Variants in POLA2 observed in about 807,000 individuals in gnomAD.
POLA2 encodes DNA polymerase alpha 2, accessory subunit.
In POLA2, 47 loss-of-function variants were observed where a neutral mutation model predicts 82.8. That is an observed-to-expected ratio of 0.57 (90% CI 0.45 to 0.72). POLA2 has a LOEUF of 0.72. Ranked by LOEUF, POLA2 falls within the 30% of genes least tolerant of loss-of-function variation. The pLI, the probability that POLA2 is intolerant of heterozygous loss-of-function variation, is 0.00. For synonymous variants in POLA2, 287 were observed against 286.8 expected (o/e 1.00, Z -0.01); for missense variants, 634 against 728.1 (o/e 0.87, Z 1.49).
intron 17 of POLA2, 156 bp downstream of exon 17, chr11:65,296,146 G>C: frequency 9.4e-6 from 7 of 746,894 alleles, no homozygotes; most frequent in Non-Finnish European, 9.0e-6. Context: ...GAGGTGGTGG[G>C]ACCAGAAAAC....
downstream of POLA2, among the ~76,000 whole-genome samples, chr11:65,303,040 A>G (rs978500898): frequency 1.3e-5 from 2 of 152,112 alleles, no homozygotes; most frequent in Admixed American, 1.3e-4. Flanking sequence ...ATGTGTCTGG[A>G]TTACTTTAAA....
chr11:65,294,047 G>A, intron 13 of POLA2, 106 bp from the exon 14 acceptor site: 2 of 888,090 alleles, frequency 2.3e-6, no homozygotes, highest in Non-Finnish European at 3.8e-6. Flanking sequence ...GCCTCCCTCG[G>A]GGTGGGCTCT....
intron 4 of POLA2, among the ~76,000 whole-genome samples, chr11:65,269,486 CA>C (rs1294987727): frequency 0.013 from 1,268 of 99,996 alleles, 14 homozygotes; most frequent in African/African-American, 0.053. Context: ...GACTCCGTCT[CA>C]AAAAAAAAAA....
chr11:65,283,991 C>T (rs1047276433), intron 10 of POLA2, among the ~76,000 whole-genome samples: 23 of 150,944 alleles, frequency 1.5e-4, no homozygotes, highest in African/African-American at 4.1e-4. Context: ...AAAATTAGCT[C>T]GGCATGGTGG....
intron 11 of POLA2, among the ~76,000 whole-genome samples, chr11:65,288,216 G>A (rs1949717854): frequency 6.6e-6 from 1 of 152,126 alleles, no homozygotes; most frequent in Non-Finnish European, 1.5e-5. Context: ...GCTAAGGCAG[G>A]AGAATTGCTT....
intron 13 of POLA2, among the ~76,000 whole-genome samples, chr11:65,293,021 C>T (rs1020738508): frequency 9.9e-5 from 15 of 152,226 alleles, no homozygotes; most frequent in Non-Finnish European, 1.5e-4. Flanking sequence ...TTACAACTTT[C>T]TTCTTCACTT....
At chr11:65,296,110 C>T (rs1949808644) in intron 17 of POLA2, 120 bp downstream of exon 17, 2 of 1,084,164 alleles carry the variant, frequency 1.8e-6, no homozygotes, top group African/African-American at 1.6e-5. Flanking sequence ...CTCTAGCACC[C>T]TGCCCTGTGG....
intron 13 of POLA2, among the ~76,000 whole-genome samples, chr11:65,293,595 T>G (rs1949778350): frequency 1.5e-5 from 2 of 132,722 alleles, no homozygotes; most frequent in African/African-American, 3.0e-5. Flanking sequence ...GGCGACAGAG[T>G]GAGGCTCTGT....
chr11:65,262,428 C>G lies in POLA2; in HGVS notation c.79+57C>G, dbSNP rs1590887249. 6 of 1,458,680 alleles carry G rather than the reference C, an allele frequency of 4.1e-6. No individual in the cohort carries two copies. In the East Asian group the frequency reaches 1.5e-4, roughly 36 times the overall value. 90.4% of individuals were successfully genotyped at this position (1,458,680 alleles called of 1,614,324 possible). A position where few individuals can be genotyped will look rare whatever the true frequency, so the allele number is the denominator to read the frequency against. On this transcript the variant is annotated intron_variant, in intron 1 of 17. Transcript: ENST00000265465. ...GTGCTCCACGCTCTCGCCCGAGTTC[C>G]TCGGCGCCTAGAACCGAAAGTGGAG...
intron 10 of POLA2, 74 bp from the exon 11 acceptor site, chr11:65,287,642 C>T (rs1447150081): frequency 7.5e-7 from 1 of 1,341,950 alleles, no homozygotes; most frequent in South Asian, 1.3e-5. Flanking sequence ...TGGCATTTCC[C>T]ATCATTGTCC....
At position 65,282,599 on chromosome 11, in the gene POLA2, C is replaced by T. The variant is rs1035619191; in HGVS notation, c.1006+78C>T. 3.1e-5 allele frequency: 38 copies of T among 1,230,538 alleles called. No homozygotes were observed. In the Middle Eastern group the frequency reaches 7.5e-4, roughly 24 times the overall value. 76.2% of individuals were successfully genotyped at this position (1,230,538 alleles called of 1,614,324 possible). On this transcript the variant is annotated intron_variant, in intron 10 of 17. Transcript: ENST00000265465. Reference sequence around the variant, plus strand: ...GTCCAGGAGTGCAGTTTCCCAAGCCCAAGAAAGCTGCAGAAGCTGCTGAAG... The same window carrying T: ...GTCCAGGAGTGCAGTTTCCCAAGCCTAAGAAAGCTGCAGAAGCTGCTGAAG...
At chr11:65,268,603 A>G in intron 3 of POLA2, 69 bp from the exon 4 acceptor site, 1 of 977,646 alleles carries the variant, frequency 1.0e-6, no homozygotes, top group Non-Finnish European at 1.6e-6. Context: ...CGGCCTCCCA[A>G]AGTGCTGGGA....
At chr11:65,271,013 T>C (rs1949515628) in intron 4 of POLA2, among the ~76,000 whole-genome samples, 1 of 152,260 alleles carries the variant, frequency 6.6e-6, no homozygotes, top group African/African-American at 2.4e-5. Flanking sequence ...TATGGGTTCA[T>C]TTCCTATGTC....
At chr11:65,296,462 C>T (rs909918892) in intron 17 of POLA2, 5 of 160,080 alleles carry the variant, frequency 3.1e-5, no homozygotes, top group African/African-American at 9.6e-5. Context: ...CTAGACCAGT[C>T]CCCCTCTTGC....
At chr11:65,286,446 G>A (rs1276839609) in intron 10 of POLA2, among the ~76,000 whole-genome samples, 1 of 151,388 alleles carries the variant, frequency 6.6e-6, no homozygotes, top group Non-Finnish European at 1.5e-5. Flanking sequence ...GGAGTGCAGT[G>A]GGCATGATCA....
downstream of POLA2, among the ~76,000 whole-genome samples, chr11:65,302,323 C>T (rs79726777): frequency 3.0e-4 from 46 of 152,322 alleles, no homozygotes; most frequent in East Asian, 7.7e-3. Flanking sequence ...CCCCTAGCCC[C>T]GCTCCTGCTT....
intron 7 of POLA2, chr11:65,280,546 G>A (rs1949629041): frequency 6.5e-6 from 1 of 154,204 alleles, no homozygotes; most frequent in Admixed American, 6.5e-5. Context: ...CCCGATGGTT[G>A]TTGCAAGGAT....
chr11:65,279,761 A>G (rs1949620984), intron 7 of POLA2, 135 bp downstream of exon 7: 1 of 620,662 alleles, frequency 1.6e-6, no homozygotes, highest in Admixed American at 3.1e-5. Context: ...TGAATTTGGG[A>G]AAATGGGCCC....
intron 1 of POLA2, among the ~76,000 whole-genome samples, chr11:65,263,898 GC>G (rs1345779593): frequency 6.6e-6 from 1 of 152,056 alleles, no homozygotes; most frequent in East Asian, 1.9e-4. Context: ...CATGAAATCA[GC>G]ATGAGAGAAA....
Sources: gnomAD v4.1 joint callset for allele counts (sites outside exome capture counted in the v4.1 genomes callset) on GRCh38, gnomAD v4.1.1 for gene constraint, MANE v1.5 for transcripts, NCBI Gene and HGNC (gene_info 2026-07-23, HGNC 2026-07-21) for gene names.